DLG1: variants seen among roughly 807,000 people sequenced by gnomAD.
DLG1 encodes discs large MAGUK scaffold protein 1, also known as disks large homolog 1.
In DLG1, 42 loss-of-function variants were observed where a neutral mutation model predicts 123.4. The ratio of observed to expected loss-of-function variants is 0.34; its 90% CI spans 0.27 to 0.44. The LOEUF is 0.44. DLG1 is among the 20% of genes least tolerant of loss of function. DLG1 has a pLI of 1.00. For synonymous variants in DLG1, 317 were observed against 356.2 expected (o/e 0.89, Z 1.24); for missense variants, 942 against 1,082.6 (o/e 0.87, Z 1.82).
chr3:197,291,010 T>C (rs574917927), intron 3 of DLG1, among the ~76,000 whole-genome samples: 13 of 151,946 alleles, frequency 8.6e-5, no homozygotes, highest in African/African-American at 2.9e-4. Flanking sequence ...GGTCCAAGTC[T>C]GGATTCTGCA....
intron 4 of DLG1, among the ~76,000 whole-genome samples, chr3:197,279,270 T>C (rs1192140363): frequency 6.6e-6 from 1 of 152,204 alleles, no homozygotes; most frequent in African/African-American, 2.4e-5. Context: ...AAAATCATTA[T>C]AAATATCATC....
At position 197,259,081 on chromosome 3, in the gene DLG1, A is replaced by G. The variant is rs377497642; in HGVS notation, c.318+23598T>C. Among the ~76,000 whole-genome samples the G allele has an allele frequency of 1.1e-4, 17 of 152,194 alleles. No individual in the cohort carries two copies. In the East Asian group the frequency reaches 1.5e-3, roughly 14 times the overall value. On this transcript the variant is annotated intron_variant, in intron 4 of 24. Coordinates refer to ENST00000667157, the MANE Select transcript of DLG1 (RefSeq NM_001366207.1). ...AGATCATTTCAAATAACCTTGCTAT[A>G]ATACTGGAAATAAAACCAAAATGAA...
At position 197,125,237 on chromosome 3, in the gene DLG1, A is replaced by G. The variant is rs148133699; in HGVS notation, c.1165+5290T>C. Among the ~76,000 whole-genome samples the G allele has an allele frequency of 6.0e-3, 910 of 152,242 alleles. 4 individuals are homozygous for G. Among genetic ancestry groups the G allele is most frequent in the South Asian group, 0.022 (104 of 4,814 alleles). ...GGAGAGAAAAATTCTTTAGAGTGGG[A>G]GAGTGAATTAGGGAAATGTAGTAGG... On this transcript the variant is annotated intron_variant, in intron 11 of 24. Coordinates refer to ENST00000667157, the MANE Select transcript of DLG1 (RefSeq NM_001366207.1).
chr3:197,264,599 G>C (rs966445496), intron 4 of DLG1, among the ~76,000 whole-genome samples: 1 of 151,998 alleles, frequency 6.6e-6, no homozygotes, highest in Non-Finnish European at 1.5e-5. Context: ...GCTAATTTTT[G>C]TATCTTTAGT....
Position 197,142,721 on chromosome 3 carries a change from T to C in DLG1, c.585A>G (p.Glu195=), listed in dbSNP as rs910540079. Residue 195 remains glutamate, a synonymous_variant, in exon 7 of 25, where the codon GAA becomes GAG. Coordinates refer to ENST00000667157, the MANE Select transcript of DLG1 (RefSeq NM_001366207.1). ...AGATTAAGATAATAGTTTTTACCCT[T>C]TCAAGTGTGATTTCTTCATATTCAT... ...ADYEYEEITL[E]RGNSGLGFSI... 6.2e-7 allele frequency: 1 copy of C among 1,605,356 alleles called. No individual in the cohort carries two copies. Among genetic ancestry groups the C allele is most frequent in the Non-Finnish European group, 8.5e-7 (1 of 1,175,844 alleles).
intron 3 of DLG1, among the ~76,000 whole-genome samples, chr3:197,284,292 C>T (rs1048929029): frequency 3.9e-5 from 6 of 152,246 alleles, no homozygotes; most frequent in Non-Finnish European, 7.4e-5. Flanking sequence ...TACACACATA[C>T]GCACACACAC....
At chr3:197,211,551 A>C (rs376992782) in intron 4 of DLG1, among the ~76,000 whole-genome samples, 3 of 146,364 alleles carry the variant, frequency 2.0e-5, no homozygotes, top group African/African-American at 7.3e-5. Flanking sequence ...TCAAACACAC[A>C]ATGAGATACC....
At chr3:197,137,609 T>TA (rs1489193339) in intron 9 of DLG1, among the ~76,000 whole-genome samples, 1 of 152,114 alleles carries the variant, frequency 6.6e-6, no homozygotes, top group South Asian at 2.1e-4. Flanking sequence ...ATAAAAATCA[T>TA]AAAAAACTTA....
intron 3 of DLG1, among the ~76,000 whole-genome samples, chr3:197,286,084 G>A (rs1771686606): frequency 6.6e-6 from 1 of 152,150 alleles, no homozygotes; most frequent in Admixed American, 6.5e-5. Context: ...TGGAGGAACC[G>A]TAAATATATT....
chr3:197,190,746 C>G (rs992822712), intron 5 of DLG1, among the ~76,000 whole-genome samples: 1 of 152,194 alleles, frequency 6.6e-6, no homozygotes, highest in African/African-American at 2.4e-5. Flanking sequence ...CGCGGTGGCT[C>G]CCGCCTGTAA....
chr3:197,135,321 T>C (rs1045171440), intron 10 of DLG1, among the ~76,000 whole-genome samples: 5 of 152,194 alleles, frequency 3.3e-5, no homozygotes, highest in African/African-American at 4.8e-5. Flanking sequence ...AGGAGGTGAT[T>C]AGATCACGGA....
In DLG1 at chr3:197,208,003, G is replaced by A. The variant is rs1031926902; in HGVS notation, c.319-13414C>T. Reference sequence around the variant, plus strand: ...AAAAAAATTGTAACTTAAATCCAAAGGACTAATTTCACAAACACATTTAAA... The same window carrying A: ...AAAAAAATTGTAACTTAAATCCAAAAGACTAATTTCACAAACACATTTAAA... On this transcript the variant is annotated intron_variant, in intron 4 of 24. Coordinates refer to ENST00000667157, the MANE Select transcript of DLG1 (RefSeq NM_001366207.1). Among the ~76,000 whole-genome samples, 16 of 143,302 alleles carry A rather than the reference G, an allele frequency of 1.1e-4. 1 individual carries two copies. Among genetic ancestry groups the A allele is most frequent in the African/African-American group, 3.7e-4 (15 of 40,472 alleles). 94.0% of individuals were successfully genotyped at this position (143,302 alleles called of 152,430 possible). A position where few individuals can be genotyped will look rare whatever the true frequency, so the allele number is the denominator to read the frequency against.
At chr3:197,057,431 T>G (rs928162624) in intron 23 of DLG1, among the ~76,000 whole-genome samples, 7 of 152,216 alleles carry the variant, frequency 4.6e-5, no homozygotes, top group African/African-American at 1.4e-4. Context: ...CCTGTCTTTG[T>G]AAACACAGGT....
At chr3:197,238,488 G>A (rs1397713327) in intron 4 of DLG1, among the ~76,000 whole-genome samples, 1 of 152,118 alleles carries the variant, frequency 6.6e-6, no homozygotes, top group Non-Finnish European at 1.5e-5. Context: ...GGAAATGACA[G>A]AACTGAAAAT....
intron 5 of DLG1, chr3:197,183,987 G>C: frequency 2.1e-6 from 3 of 1,417,156 alleles, no homozygotes; most frequent in Non-Finnish European, 2.8e-6. Context: ...GAAAGAGCTC[G>C]TATCTTCCCT....
At chr3:197,296,506 AACTCTCT>A in intron 2 of DLG1, 29 bp from the exon 3 acceptor site, 1 of 1,607,508 alleles carries the variant, frequency 6.2e-7, no homozygotes, top group Non-Finnish European at 8.5e-7. Context: ...GCCTGATTAA[AACTCTCT>A]ATTTACAAAA....
intron 11 of DLG1, 51 bp downstream of exon 11, chr3:197,130,476 A>C: frequency 2.8e-6 from 4 of 1,453,668 alleles, no homozygotes; most frequent in Non-Finnish European, 2.8e-6. Flanking sequence ...TAATGGCATC[A>C]CAACTGAAGA....
intron 15 of DLG1, among the ~76,000 whole-genome samples, chr3:197,089,777 T>A (rs538385496): frequency 1.1e-4 from 16 of 152,268 alleles, no homozygotes; most frequent in African/African-American, 3.8e-4. Context: ...CCTTCTTCGA[T>A]ATATTTGTAT....
intron 23 of DLG1, 147 bp downstream of exon 23, chr3:197,059,742 T>A (rs1343982238): frequency 2.0e-6 from 1 of 492,500 alleles, no homozygotes; most frequent in African/African-American, 2.0e-5. Context: ...AGTGCTTATT[T>A]AATCCTCACC....
Sources: gnomAD v4.1 joint callset for allele counts (sites outside exome capture counted in the v4.1 genomes callset) on GRCh38, gnomAD v4.1.1 for gene constraint, MANE v1.5 for transcripts, NCBI Gene and HGNC (gene_info 2026-07-23, HGNC 2026-07-21) for gene names.